NALF1: variants seen among roughly 807,000 people sequenced by gnomAD.
NALF1 encodes family with sequence similarity 155 member A.
A neutral mutation model predicts 48.4 loss-of-function variants in NALF1; 3 were observed. The ratio of observed to expected loss-of-function variants is 0.06; its 90% CI spans 0.03 to 0.16. The LOEUF (loss-of-function observed/expected upper bound fraction) is 0.16, where lower values mean the gene tolerates loss of function less well. Among genes scored for constraint, NALF1 ranks in the 10% least tolerant of loss-of-function variants. The pLI, the probability that NALF1 is intolerant of heterozygous loss-of-function variation, is 1.00. For missense variants in NALF1, 526 were observed against 571.5 expected (o/e 0.92, Z 0.81); for synonymous variants, 262 against 245.7 (o/e 1.07, Z -0.62).
intron 1 of NALF1, among the ~76,000 whole-genome samples, chr13:107,729,259 T>C (rs982700522): frequency 1.3e-5 from 2 of 152,096 alleles, no homozygotes; most frequent in African/African-American, 4.8e-5. Flanking sequence ...GTCTGCAAAA[T>C]CTAAAACATT....
chr13:107,268,806 A>G (rs1881095857), intron 1 of NALF1, among the ~76,000 whole-genome samples: 1 of 152,212 alleles, frequency 6.6e-6, no homozygotes, highest in Non-Finnish European at 1.5e-5. Flanking sequence ...CACGAATAAA[A>G]GTTTCATTTG....
chr13:107,866,105 G>C lies in NALF1; in HGVS notation c.492C>G (p.Pro164=), dbSNP rs748533344. 1.2e-6 allele frequency: 2 copies of C among 1,612,768 alleles called. No homozygotes were observed. The highest frequency in any genetic ancestry group is 1.7e-6 in the Non-Finnish European group (2 of 1,179,874). ...GGTAACAAGTCTCCAGGCGCCACAC[G>C]GGCTTGGCAGAGTTTCCTAGAAAAA... ...KALFLGNSAK[P]VWRLETCYPQ... is the part of the protein sequence containing the mutation. The change falls in exon 1 of 3, where the codon CCC becomes CCG. Residue 164 remains proline, a synonymous_variant. Transcript: ENST00000375915. This position sits in a 1 kb window ranked among gnomAD's most constrained non-coding sequence, Gnocchi z 4.4.
At position 107,840,690 on chromosome 13, in the gene NALF1, C is replaced by G. The variant is rs544307296; in HGVS notation, c.915+24992G>C. 2.6e-5 allele frequency among the ~76,000 whole-genome samples: 4 copies of G among 152,254 alleles called. No homozygotes were observed. In the South Asian group the frequency reaches 6.2e-4, roughly 24 times the overall value. On this transcript the variant is annotated intron_variant, in intron 1 of 2. Transcript: ENST00000375915. ...TGAAGAGAGAATGTCTATTGGGAAGCAGTTGTCAGTCTCTCATACATGGAG... is the reference window on the plus strand; with the variant it reads ...TGAAGAGAGAATGTCTATTGGGAAGGAGTTGTCAGTCTCTCATACATGGAG...
intron 1 of NALF1, among the ~76,000 whole-genome samples, chr13:107,693,337 C>CGGGGGGGGGGGGG (rs140909907): frequency 7.8e-6 from 1 of 128,648 alleles, no homozygotes; most frequent in Non-Finnish European, 1.6e-5. Flanking sequence ...GTAGGGGGGG[C>CGGGGGGGGGGGGG]GGGAGGGATA....
chr13:107,292,465 A>G (rs1052672006), intron 1 of NALF1, among the ~76,000 whole-genome samples: 1 of 148,788 alleles, frequency 6.7e-6, no homozygotes, highest in Non-Finnish European at 1.5e-5. Context: ...ATGCTTATTT[A>G]TAGCTTTTAT....
intron 1 of NALF1, among the ~76,000 whole-genome samples, chr13:107,835,609 G>C (rs563986040): frequency 1.3e-5 from 2 of 150,890 alleles, no homozygotes; most frequent in African/African-American, 4.9e-5. Flanking sequence ...AGTGAGCTTA[G>C]GGGCAGGCAC....
intron 1 of NALF1, among the ~76,000 whole-genome samples, chr13:107,704,120 T>C (rs1377369408): frequency 3.9e-5 from 6 of 152,202 alleles, no homozygotes; most frequent in Admixed American, 3.9e-4. Context: ...TGCATACAGC[T>C]TTTTAAAGAA....
chr13:107,613,057 G>C (rs9520511), intron 1 of NALF1, among the ~76,000 whole-genome samples: 199 of 151,900 alleles, frequency 1.3e-3, no homozygotes, highest in South Asian at 2.3e-3. Flanking sequence ...CCTGGAGGAA[G>C]GGAGCAGCCA....
At chr13:107,670,366 C>A (rs1880963157) in intron 1 of NALF1, among the ~76,000 whole-genome samples, 1 of 152,078 alleles carries the variant, frequency 6.6e-6, no homozygotes, top group African/African-American at 2.4e-5. Context: ...TCTCACTGAT[C>A]TTATTTTCAA....
intron 1 of NALF1, among the ~76,000 whole-genome samples, chr13:107,341,136 G>C (rs1040720107): frequency 6.6e-6 from 1 of 151,388 alleles, no homozygotes; most frequent in African/African-American, 2.4e-5. Context: ...TTGGTGCTAA[G>C]GACAGAAGCC....
chr13:107,750,480 T>C (rs1159741975), intron 1 of NALF1, among the ~76,000 whole-genome samples: 1 of 151,708 alleles, frequency 6.6e-6, no homozygotes, highest in African/African-American at 2.4e-5. Context: ...TGTTTTGGAA[T>C]GAAAGTGAAT....
intron 1 of NALF1, among the ~76,000 whole-genome samples, chr13:107,540,049 T>TACACACACACATACAC (rs1555307599): frequency 7.4e-5 from 11 of 149,514 alleles, no homozygotes; most frequent in African/African-American, 2.7e-4. Flanking sequence ...GCTTCTGATG[T>TACACACACACATACAC]ACACACACAC....
chr13:107,259,793 G>C (rs2138853144), intron 1 of NALF1, among the ~76,000 whole-genome samples: 1 of 152,296 alleles, frequency 6.6e-6, no homozygotes, highest in Non-Finnish European at 1.5e-5. Flanking sequence ...AGTCCATGCA[G>C]ACAGTACAGC....
intron 1 of NALF1, among the ~76,000 whole-genome samples, chr13:107,591,516 T>C (rs954649635): frequency 2.0e-5 from 3 of 152,042 alleles, no homozygotes; most frequent in African/African-American, 7.2e-5. Flanking sequence ...TAAGGAGTAA[T>C]TCAGAGTCAT....
chr13:107,608,722 G>A (rs1879141088), intron 1 of NALF1, among the ~76,000 whole-genome samples: 1 of 152,152 alleles, frequency 6.6e-6, no homozygotes, highest in Non-Finnish European at 1.5e-5. Flanking sequence ...TGATTGTGTT[G>A]ACTCCGAAAA....
intron 1 of NALF1, among the ~76,000 whole-genome samples, chr13:107,470,415 ACAGT>A (rs1459427987): frequency 2.0e-5 from 3 of 152,224 alleles, no homozygotes; most frequent in East Asian, 1.9e-4. Flanking sequence ...TTGGCTACAG[ACAGT>A]CAGACACATT....
At chr13:107,350,162 G>A (rs1321649328) in intron 1 of NALF1, among the ~76,000 whole-genome samples, 1 of 152,186 alleles carries the variant, frequency 6.6e-6, no homozygotes, top group Non-Finnish European at 1.5e-5. Context: ...ACAGGCCACG[G>A]ACCAATACTG....
chr13:107,533,430 T>C (rs538494158), intron 1 of NALF1, among the ~76,000 whole-genome samples: 1 of 152,198 alleles, frequency 6.6e-6, no homozygotes, highest in South Asian at 2.1e-4. Context: ...CTTTCAGGTC[T>C]CTGCCATGAG....
At chr13:107,556,286 TATATATATATAC>T (rs1180425423) in intron 1 of NALF1, among the ~76,000 whole-genome samples, 7 of 134,460 alleles carry the variant, frequency 5.2e-5, no homozygotes, top group Admixed American at 4.0e-4. Flanking sequence ...TATATATATA[TATATATATATAC>T]ACACACACAC....
Sources: gnomAD v4.1 joint callset for allele counts (sites outside exome capture counted in the v4.1 genomes callset) on GRCh38, gnomAD v4.1.1 for gene constraint, Gnocchi (gnomAD v3.1) non-coding constraint, MANE v1.5 for transcripts, NCBI Gene and HGNC (gene_info 2026-07-23, HGNC 2026-07-21) for gene names.